PDZD2: variants seen among roughly 807,000 people sequenced by gnomAD.
The protein encoded by PDZD2 is PDZ domain-containing protein 2.
PDZD2 carries 90 observed loss-of-function variants against 220.7 expected under a neutral mutation model. The ratio of observed to expected loss-of-function variants is 0.41; its 90% CI spans 0.34 to 0.49. The LOEUF is 0.49. Ranked by LOEUF, PDZD2 falls within the 20% of genes least tolerant of loss-of-function variation. PDZD2 has a pLI of 0.28. For missense variants in PDZD2, 3,174 were observed against 3,608.5 expected, an observed-to-expected ratio of 0.88 and a Z score of 3.08; for synonymous variants, 1,375 against 1,450.5, an observed-to-expected ratio of 0.95 and a Z score of 1.18.
At chr5:32,015,189 G>A (rs13157596) in intron 6 of PDZD2, among the ~76,000 whole-genome samples, 51,864 of 151,704 alleles carry the variant, frequency 0.34, 9,689 homozygotes, top group African/African-American at 0.5. Flanking sequence ...TGATCTGCCC[G>A]CTTCAGCCTC....
At chr5:32,036,389 T>C (rs1031886355) in intron 6 of PDZD2, among the ~76,000 whole-genome samples, 3 of 152,360 alleles carry the variant, frequency 2.0e-5, no homozygotes, top group African/African-American at 7.2e-5. Context: ...TGGGAAGATT[T>C]ATTGTTTGAT....
intron 4 of PDZD2, among the ~76,000 whole-genome samples, chr5:31,999,851 A>G (rs1751960414): frequency 1.3e-5 from 2 of 152,200 alleles, no homozygotes; most frequent in African/African-American, 2.4e-5. Context: ...TCCTCTATCA[A>G]CATCTCCACC....
chr5:31,705,878 T>C (rs1747799720), intron 1 of PDZD2, among the ~76,000 whole-genome samples: 1 of 152,184 alleles, frequency 6.6e-6, no homozygotes, highest in South Asian at 2.1e-4. Context: ...GGCGAAACCC[T>C]ATCTCTACTG....
intron 1 of PDZD2, among the ~76,000 whole-genome samples, chr5:31,660,835 C>A (rs190129486): frequency 6.6e-6 from 1 of 152,182 alleles, no homozygotes; most frequent in Non-Finnish European, 1.5e-5. Context: ...CAGTCCTCCC[C>A]CCTCAGCCTC....
chr5:32,016,079 A>G (rs1000018983), intron 6 of PDZD2, among the ~76,000 whole-genome samples: 3 of 152,212 alleles, frequency 2.0e-5, no homozygotes, highest in Non-Finnish European at 4.4e-5. Flanking sequence ...TTACAAGGAA[A>G]GAAGAGCAAA....
At chr5:31,753,313 G>A (rs1751119611) in intron 1 of PDZD2, among the ~76,000 whole-genome samples, 1 of 152,216 alleles carries the variant, frequency 6.6e-6, no homozygotes, top group African/African-American at 2.4e-5. Context: ...AATAGGGAGT[G>A]GTGGAGACTG....
chr5:31,639,152 G>T lies in PDZD2; in HGVS notation c.-646G>T, dbSNP rs1270268937. Reference sequence around the variant, plus strand: ...CCTGGAGGCTCGGCGGATCCCCTGCGCAGCGAGGCGAGGAGCGGACCCCAG... The same window carrying T: ...CCTGGAGGCTCGGCGGATCCCCTGCTCAGCGAGGCGAGGAGCGGACCCCAG... On this transcript the variant is annotated 5_prime_UTR_variant, in exon 1 of 25. Coordinates refer to ENST00000438447, the MANE Select transcript of PDZD2 (RefSeq NM_178140.4). The surrounding 1 kb of genome is among the most constrained non-coding windows in gnomAD (Gnocchi z 4.1). 6.6e-6 allele frequency among the ~76,000 whole-genome samples: 1 copy of T among 152,060 alleles called. No homozygotes were observed. The highest frequency in any genetic ancestry group is 2.4e-5 in the African/African-American group (1 of 41,434).
At chr5:31,734,214 G>T (rs1269585335) in intron 1 of PDZD2, among the ~76,000 whole-genome samples, 1 of 152,138 alleles carries the variant, frequency 6.6e-6, no homozygotes, top group Non-Finnish European at 1.5e-5. Flanking sequence ...GGGGGAAAGG[G>T]TGCAGGACTT....
At chr5:31,775,569 G>C (rs183352213) in intron 1 of PDZD2, among the ~76,000 whole-genome samples, 1 of 152,168 alleles carries the variant, frequency 6.6e-6, no homozygotes, top group African/African-American at 2.4e-5. Flanking sequence ...TTTGGCCCAA[G>C]TCAAACCTCA....
At chr5:31,787,469 C>A (rs1470802524) in intron 1 of PDZD2, among the ~76,000 whole-genome samples, 1 of 152,086 alleles carries the variant, frequency 6.6e-6, no homozygotes, top group Non-Finnish European at 1.5e-5. Context: ...GGTTTTTTGG[C>A]CTTCAATATT....
intron 1 of PDZD2, among the ~76,000 whole-genome samples, chr5:31,728,307 A>T (rs1202137772): frequency 6.6e-6 from 1 of 152,126 alleles, no homozygotes; most frequent in Non-Finnish European, 1.5e-5. Context: ...GCAAAATCAC[A>T]CACACACCCC....
chr5:31,904,970 T>C (rs1338204453), intron 2 of PDZD2, among the ~76,000 whole-genome samples: 1 of 151,838 alleles, frequency 6.6e-6, no homozygotes, highest in African/African-American at 2.4e-5. Flanking sequence ...GTGTGTGTTT[T>C]GTTCTTTTGC....
intron 2 of PDZD2, among the ~76,000 whole-genome samples, chr5:31,950,126 C>T (rs758472611): frequency 6.6e-5 from 10 of 152,180 alleles, no homozygotes; most frequent in Non-Finnish European, 1.0e-4. Context: ...GTAGTTGGCT[C>T]TGTCATGAAC....
chr5:31,969,508 C>CAAAAAAAAAA (rs1749073053), intron 2 of PDZD2, among the ~76,000 whole-genome samples: 2 of 9,280 alleles, frequency 2.2e-4, no homozygotes, highest in East Asian at 5.4e-3. Flanking sequence ...GGCCCCCTCT[C>CAAAAAAAAAA]CAAAAAAAAA....
chr5:31,671,187 G>A (rs1746202025), intron 1 of PDZD2, among the ~76,000 whole-genome samples: 1 of 152,138 alleles, frequency 6.6e-6, no homozygotes. Flanking sequence ...GTCAGTCACA[G>A]TACAGTCAGA....
chr5:31,976,480 A>G (rs556197424), intron 2 of PDZD2, among the ~76,000 whole-genome samples: 1 of 152,122 alleles, frequency 6.6e-6, no homozygotes, highest in East Asian at 1.9e-4. Flanking sequence ...TGTCCTATAA[A>G]CTCAGACCCT....
chr5:31,949,668 C>CTT (rs5867121), intron 2 of PDZD2, among the ~76,000 whole-genome samples: 25 of 127,876 alleles, frequency 2.0e-4, no homozygotes, highest in African/African-American at 2.9e-4. Flanking sequence ...CCATTTTTAG[C>CTT]TTTTTTTTTT....
chr5:31,698,748 C>T (rs569572108), intron 1 of PDZD2, among the ~76,000 whole-genome samples: 3 of 152,256 alleles, frequency 2.0e-5, no homozygotes, highest in East Asian at 3.9e-4. Context: ...TAAATGAGGA[C>T]GCCAAGGCCC....
Position 32,108,196 on chromosome 5 carries a change from T to TTA in PDZD2, c.*62_*63dup. ...TCTTTAGCAAATCAGAGTGACTTCT[T>TTA]TAAACCACAGGTTGTTGAAATGGCC... On this transcript the variant is annotated 3_prime_UTR_variant, in exon 25 of 25. Transcript: ENST00000438447. 1.7e-6 allele frequency: 2 copies of TTA among 1,202,390 alleles called. No individual in the cohort carries two copies. Among genetic ancestry groups the TTA allele is most frequent in the Non-Finnish European group, 2.4e-6 (2 of 841,704 alleles). The allele number at this position is 1,202,390 out of a possible 1,614,324, so 74.5% of individuals were successfully genotyped here. A position where few individuals can be genotyped will look rare whatever the true frequency, so the allele number is the denominator to read the frequency against.
Sources: allele counts gnomAD v4.1 joint callset (sites outside exome capture counted in the v4.1 genomes callset), GRCh38; gene constraint gnomAD v4.1.1; non-coding constraint Gnocchi (gnomAD v3.1); transcripts MANE v1.5; gene names NCBI Gene and HGNC (gene_info 2026-07-23, HGNC 2026-07-21).